BEND4: variants seen among roughly 807,000 people sequenced by gnomAD.
BEND4 encodes the protein BEN domain containing 4, also known as BEN domain-containing protein 4.
BEND4 carries 27 observed loss-of-function variants against 54.7 expected under a neutral mutation model. The ratio of observed to expected loss-of-function variants is 0.49; its 90% confidence interval spans 0.36 to 0.68. The LOEUF (loss-of-function observed/expected upper bound fraction) is 0.68, where lower values mean the gene tolerates loss of function less well. Among genes scored for constraint, BEND4 ranks in the 30% least tolerant of loss-of-function variants. The pLI is 0.00. For missense variants in BEND4, 702 were observed against 697.2 expected (o/e 1.01, Z -0.08); for synonymous variants, 327 against 299.5 (o/e 1.09, Z -0.95).
chr4:42,139,674 T>C (rs1367540933), intron 3 of BEND4, among the ~76,000 whole-genome samples: 1 of 152,122 alleles, frequency 6.6e-6, no homozygotes, highest in East Asian at 1.9e-4. Context: ...TGACCTGCAG[T>C]AGCTGACCCA....
In BEND4 at chr4:42,116,631, CTA is replaced by C. The variant is rs1329417749; in HGVS notation, c.*885_*886del. 1 of 152,222 alleles carries C rather than the reference CTA, an allele frequency of 6.6e-6. No individual in the cohort carries two copies. The highest frequency in any genetic ancestry group is 6.5e-5 in the Admixed American group (1 of 15,272). The allele number at this position is 152,222 out of a possible 1,614,324, so 9.4% of individuals were successfully genotyped here. On this transcript the variant is annotated 3_prime_UTR_variant, in exon 6 of 6. Transcript: ENST00000502486. ...CTGTGTGTATACAATGCCAGAACATCTAGTCAATTCAGCGAATACCATCAGTC... is the reference window on the plus strand; with the variant it reads ...CTGTGTGTATACAATGCCAGAACATCGTCAATTCAGCGAATACCATCAGTC...
chr4:42,141,856 G>C (rs758870562), intron 3 of BEND4, among the ~76,000 whole-genome samples: 2 of 152,174 alleles, frequency 1.3e-5, no homozygotes, highest in Non-Finnish European at 2.9e-5. Context: ...TAGAATAGTA[G>C]TACATGTATG....
chr4:42,121,746 A>T lies in BEND4; in HGVS notation c.1147-1452T>A, dbSNP rs115857312. 8.2e-3 allele frequency among the ~76,000 whole-genome samples: 1,250 copies of T among 152,270 alleles called. 17 individuals carry two copies. Among genetic ancestry groups the T allele is most frequent in the African/African-American group, 0.028 (1,163 of 41,540 alleles). On this transcript the variant is annotated intron_variant, in intron 4 of 5. Coordinates refer to ENST00000502486, the MANE Select transcript of BEND4 (RefSeq NM_207406.4). ...CAGGAGATGAGAGACGGAGGTCTGA[A>T]TCAAGTCTGTGCAGGACAGAGAGAG...
chr4:42,130,791 T>C (rs1720478782), intron 3 of BEND4, among the ~76,000 whole-genome samples: 1 of 152,144 alleles, frequency 6.6e-6, no homozygotes, highest in Non-Finnish European at 1.5e-5. Context: ...CTATTCACAA[T>C]AGCAAAGACA....
Position 42,117,481 on chromosome 4 carries a change from G to A in BEND4, c.*37C>T. ...CAGGACATTCACAATTGGAACTCTT[G>A]AGAGGACCAGCTGCTACAACAGGAA... On this transcript the variant is annotated 3_prime_UTR_variant, in exon 6 of 6. Coordinates refer to ENST00000502486, the MANE Select transcript of BEND4 (RefSeq NM_207406.4). The A allele has an allele frequency of 6.8e-7, 1 of 1,466,006 alleles. No individual in the cohort carries two copies. The highest frequency in any genetic ancestry group is 9.4e-7 in the Non-Finnish European group (1 of 1,061,568). The allele number at this position is 1,466,006 out of a possible 1,614,324, so 90.8% of individuals were successfully genotyped here. A position where few individuals can be genotyped will look rare whatever the true frequency, so the allele number is the denominator to read the frequency against.
At chr4:42,133,652 A>C (rs1297955746) in intron 3 of BEND4, among the ~76,000 whole-genome samples, 2 of 152,108 alleles carry the variant, frequency 1.3e-5, no homozygotes, top group African/African-American at 2.4e-5. Flanking sequence ...CAGGAGATCG[A>C]GACCATCCTG....
chr4:42,118,166 A>C (rs1196991304), intron 5 of BEND4, among the ~76,000 whole-genome samples: 2 of 152,184 alleles, frequency 1.3e-5, no homozygotes, highest in African/African-American at 4.8e-5. Flanking sequence ...TACTAATTTG[A>C]AGATAGAGTA....
intron 5 of BEND4, among the ~76,000 whole-genome samples, 199 bp from the exon 6 acceptor site, chr4:42,117,934 T>TA (rs5857832): frequency 3.6e-4 from 53 of 148,774 alleles, no homozygotes; most frequent in South Asian, 6.4e-4. Flanking sequence ...TGTGCAAAAG[T>TA]AAAAAAAAAA....
At chr4:42,130,401 A>G (rs561994853) in intron 3 of BEND4, among the ~76,000 whole-genome samples, 2 of 148,428 alleles carry the variant, frequency 1.3e-5, no homozygotes, top group East Asian at 3.9e-4. Flanking sequence ...AATGGCATCA[A>G]CCTGGGAGGC....
chr4:42,118,758 A>G (rs761400084), intron 5 of BEND4, among the ~76,000 whole-genome samples: 4 of 152,218 alleles, frequency 2.6e-5, no homozygotes, highest in Non-Finnish European at 5.9e-5. Context: ...CAAGCCCCCA[A>G]GCTCAACACT....
rs1241434881 is a variant in BEND4 at position 42,152,311 on chromosome 4, A to G, written c.-168T>C. On this transcript the variant is annotated 5_prime_UTR_variant, in exon 2 of 6. The change abolishes an upstream ATG in the 5' untranslated region. Transcript: ENST00000502486. ...GCCGCCGCCTGTCGCTGAGGCTGGC[A>G]TCGCCGAGCCCCCGCGCGGGGGGCT... The G allele has an allele frequency of 3.5e-6, 2 of 571,410 alleles. No homozygotes were observed. Among genetic ancestry groups the G allele is most frequent in the East Asian group, 4.0e-5 (1 of 24,692 alleles). 35.4% of individuals were successfully genotyped at this position (571,410 alleles called of 1,614,324 possible). A position where few individuals can be genotyped will look rare whatever the true frequency, so the allele number is the denominator to read the frequency against.
chr4:42,149,398 T>C (rs1577771938), intron 2 of BEND4, among the ~76,000 whole-genome samples: 1 of 152,192 alleles, frequency 6.6e-6, no homozygotes, highest in East Asian at 1.9e-4. Flanking sequence ...TGATGTCTAG[T>C]TCTATGGCTT....
chr4:42,123,708 A>AAAAAAAC (rs1720156698), intron 4 of BEND4, among the ~76,000 whole-genome samples: 1 of 151,282 alleles, frequency 6.6e-6, no homozygotes, highest in African/African-American at 2.4e-5. Flanking sequence ...AAAAAAAAAA[A>AAAAAAAC]AAAAAAAAAC....
intron 3 of BEND4, among the ~76,000 whole-genome samples, chr4:42,142,631 C>T (rs1021733998): frequency 7.4e-6 from 1 of 135,070 alleles, no homozygotes; most frequent in Admixed American, 7.5e-5. Context: ...AGAGAGACTC[C>T]GTCTCAAAAA....
chr4:42,129,908 A>C (rs1720441959), intron 3 of BEND4, among the ~76,000 whole-genome samples: 1 of 152,224 alleles, frequency 6.6e-6, no homozygotes, highest in Non-Finnish European at 1.5e-5. Context: ...GACAGATAGG[A>C]TCCAAGTAAA....
At chr4:42,117,838 A>G in intron 5 of BEND4, 103 bp from the exon 6 acceptor site, 3 of 736,188 alleles carry the variant, frequency 4.1e-6, no homozygotes, top group East Asian at 2.7e-5. Context: ...GAAGCTCTAT[A>G]AGAAAAGCTT....
chr4:42,118,689 TG>T (rs1408542719), intron 5 of BEND4, among the ~76,000 whole-genome samples: 1 of 152,208 alleles, frequency 6.6e-6, no homozygotes, highest in African/African-American at 2.4e-5. Context: ...ACCCCTTATT[TG>T]GCTCCTTTAT....
Position 42,151,768 on chromosome 4 carries a change from C to T in BEND4, c.376G>A (p.Ala126Thr). The stretch of plus-strand genomic sequence containing the variant: ...GCGGCGAACGAAGACGACGAGGAGG[C>T]GGCGGGGGACGCGGGCGGCGGCTGC... ...PAQPPPASPA[A>T]SSSSSFAAVV... The change falls in exon 2 of 6, where the codon GCC (alanine) becomes ACC (threonine). Residue 126 changes from alanine (A) to threonine (T), a missense_variant. Coordinates refer to ENST00000502486, the MANE Select transcript of BEND4 (RefSeq NM_207406.4). The T allele has an allele frequency of 1.3e-6, 2 of 1,496,280 alleles. No individual in the cohort carries two copies. Among genetic ancestry groups the T allele is most frequent in the Non-Finnish European group, 1.8e-6 (2 of 1,129,678 alleles). 92.7% of individuals were successfully genotyped at this position (1,496,280 alleles called of 1,614,324 possible).
At chr4:42,122,217 T>G (rs896527074) in intron 4 of BEND4, among the ~76,000 whole-genome samples, 3 of 152,182 alleles carry the variant, frequency 2.0e-5, no homozygotes, top group Non-Finnish European at 4.4e-5. Context: ...AGGTACTAGG[T>G]CTATTCCTCA....
Sources: allele counts gnomAD v4.1 joint callset (sites outside exome capture counted in the v4.1 genomes callset), GRCh38; gene constraint gnomAD v4.1.1; transcripts MANE v1.5; gene names NCBI Gene and HGNC (gene_info 2026-07-23, HGNC 2026-07-21).